NCALD: variants seen among roughly 807,000 people sequenced by gnomAD.
The protein encoded by NCALD is neurocalcin-delta.
NCALD carries 10 observed loss-of-function variants against 18.6 expected under a neutral mutation model. The ratio of observed to expected loss-of-function variants is 0.54; its 90% CI spans 0.33 to 0.91. The LOEUF is 0.91. Among genes scored for constraint, NCALD ranks in the 40% least tolerant of loss-of-function variants. NCALD has a pLI of 0.03. For missense variants in NCALD, 184 were observed against 247.6 expected (o/e 0.74, Z 1.72); for synonymous variants, 88 against 87.4 (o/e 1.01, Z -0.04).
intron 3 of NCALD, among the ~76,000 whole-genome samples, chr8:101,891,120 G>C (rs946658793): frequency 6.6e-6 from 1 of 152,028 alleles, no homozygotes; most frequent in Non-Finnish European, 1.5e-5. Flanking sequence ...TATTTGTGTT[G>C]AGGCAAACCC....
rs267601685 is a variant in NCALD at position 101,689,332 on chromosome 8, G to A, written c.559C>T (p.Pro187Ser). The stretch of plus-strand genomic sequence containing the variant: ...GCTCAGAACTGGCCGGCACTGCTCG[G>A]GTCGCACTGCAGGAGGCGCACAATG... Reference protein sequence around the residue: ...PSIVRLLQCDPSSAGQF With the variant: ...PSIVRLLQCDSSSAGQF Residue 187 changes from proline (P) to serine (S), a missense_variant, in exon 4 of 4, where the codon CCG becomes TCG. Pro to Ser is a moderately conservative substitution (Grantham distance 74). Coordinates refer to ENST00000220931, the MANE Select transcript of NCALD (RefSeq NM_032041.3). This position sits in a 1 kb window ranked among gnomAD's most constrained non-coding sequence, Gnocchi z 4.4. 2 of 1,613,886 alleles carry A rather than the reference G, an allele frequency of 1.2e-6. No individual in the cohort carries two copies. Among genetic ancestry groups the A allele is most frequent in the East Asian group, 2.2e-5 (1 of 44,878 alleles).
At chr8:101,698,103 A>C (rs553380181) in intron 2 of NCALD, among the ~76,000 whole-genome samples, 2 of 152,354 alleles carry the variant, frequency 1.3e-5, no homozygotes, top group South Asian at 2.1e-4. Flanking sequence ...ATACAAAATC[A>C]ATGTGGAAAA....
chr8:101,875,562 C>A (rs1192524088), intron 4 of NCALD, among the ~76,000 whole-genome samples: 2 of 152,184 alleles, frequency 1.3e-5, no homozygotes, highest in African/African-American at 4.8e-5. Context: ...TCTTTCCTAG[C>A]ACTTCTCAGC....
At chr8:102,041,336 T>C (rs1823042927) in intron 1 of NCALD, among the ~76,000 whole-genome samples, 1 of 152,194 alleles carries the variant, frequency 6.6e-6, no homozygotes, top group Non-Finnish European at 1.5e-5. Flanking sequence ...TATCTCCCAA[T>C]AACTCAAAGG....
At chr8:102,119,545 A>G (rs1484657724) in intron 1 of NCALD, among the ~76,000 whole-genome samples, 7 of 152,226 alleles carry the variant, frequency 4.6e-5, no homozygotes, top group Non-Finnish European at 8.8e-5. Flanking sequence ...CTGTACGTTT[A>G]AGAATGGTTA....
chr8:102,109,912 GT>G (rs1241353841), intron 1 of NCALD, among the ~76,000 whole-genome samples: 4 of 152,034 alleles, frequency 2.6e-5, no homozygotes, highest in Non-Finnish European at 4.4e-5. Context: ...TTAATATAGA[GT>G]TTTTTTCTTA....
intron 1 of NCALD, among the ~76,000 whole-genome samples, chr8:102,057,669 C>T (rs1823701731): frequency 6.6e-6 from 1 of 152,372 alleles, no homozygotes; most frequent in African/African-American, 2.4e-5. Flanking sequence ...ATTTACTATT[C>T]TTCCCAGTTT....
chr8:101,918,473 G>A (rs193069903), intron 2 of NCALD, among the ~76,000 whole-genome samples: 1 of 152,050 alleles, frequency 6.6e-6, no homozygotes, highest in Admixed American at 6.6e-5. Flanking sequence ...AATAATACTG[G>A]AAGTCCTAGC....
chr8:101,838,147 A>T (rs999293067), intron 4 of NCALD, among the ~76,000 whole-genome samples: 1 of 152,180 alleles, frequency 6.6e-6, no homozygotes, highest in Admixed American at 6.5e-5. Context: ...GGAGGTGAAA[A>T]ATTATTTCAT....
At chr8:101,765,895 C>T (rs1007419713) in intron 1 of NCALD, among the ~76,000 whole-genome samples, 4 of 152,200 alleles carry the variant, frequency 2.6e-5, no homozygotes, top group Non-Finnish European at 5.9e-5. Context: ...TGCAATGCAG[C>T]ATTAACCTCA....
chr8:101,719,127 T>C, intron 2 of NCALD, 125 bp downstream of exon 2: 1 of 1,114,366 alleles, frequency 9.0e-7, no homozygotes, highest in Non-Finnish European at 1.3e-6. Flanking sequence ...ACATGCAGGG[T>C]GGGCCAAATG....
intron 4 of NCALD, among the ~76,000 whole-genome samples, chr8:101,874,018 A>G (rs1419058745): frequency 1.3e-5 from 2 of 152,240 alleles, no homozygotes; most frequent in Non-Finnish European, 2.9e-5. Context: ...TAGCAGAACT[A>G]GAACTTAGAC....
chr8:102,050,332 T>A (rs1034413038), intron 1 of NCALD, among the ~76,000 whole-genome samples: 17 of 151,858 alleles, frequency 1.1e-4, no homozygotes, highest in Non-Finnish European at 2.5e-4. Flanking sequence ...ATCTCATTTT[T>A]GAGTAAAACA....
intron 1 of NCALD, among the ~76,000 whole-genome samples, chr8:102,054,260 C>T (rs560061216): frequency 6.6e-6 from 1 of 152,242 alleles, no homozygotes; most frequent in East Asian, 1.9e-4. Context: ...GACGAAGCCA[C>T]CATACCCAGA....
chr8:101,919,256 G>A (rs1479656595), intron 2 of NCALD, among the ~76,000 whole-genome samples: 1 of 152,076 alleles, frequency 6.6e-6, no homozygotes, highest in African/African-American at 2.4e-5. Context: ...CTTCAACAAA[G>A]TCAACAAAAA....
At chr8:102,101,850 G>C (rs1160659766) in intron 1 of NCALD, among the ~76,000 whole-genome samples, 1 of 152,128 alleles carries the variant, frequency 6.6e-6, no homozygotes, top group African/African-American at 2.4e-5. Flanking sequence ...TTACAAATGG[G>C]GCTGTGTGGG....
intron 2 of NCALD, among the ~76,000 whole-genome samples, chr8:101,977,542 T>A (rs1438262483): frequency 6.6e-6 from 1 of 152,206 alleles, no homozygotes; most frequent in East Asian, 1.9e-4. Context: ...AGCAAACTTG[T>A]TATTAACATG....
At chr8:101,767,136 C>G (rs78694985) in intron 1 of NCALD, among the ~76,000 whole-genome samples, 1 of 152,130 alleles carries the variant, frequency 6.6e-6, no homozygotes, top group African/African-American at 2.4e-5. Flanking sequence ...CCACCACTTA[C>G]AATCTCTGTA....
chr8:102,058,516 C>T (rs1823733202), intron 1 of NCALD, among the ~76,000 whole-genome samples: 1 of 152,204 alleles, frequency 6.6e-6, no homozygotes. Flanking sequence ...AGAATTAAGT[C>T]AGCTGCTGAT....
Sources: allele counts gnomAD v4.1 joint callset (sites outside exome capture counted in the v4.1 genomes callset), GRCh38; gene constraint gnomAD v4.1.1; non-coding constraint Gnocchi (gnomAD v3.1); transcripts MANE v1.5; gene names NCBI Gene and HGNC (gene_info 2026-07-23, HGNC 2026-07-21).